Variants in PTX4 observed in about 807,000 individuals in gnomAD.
PTX4 encodes the protein pentraxin 4, also known as pentraxin-4.
A neutral mutation model predicts 19.1 loss-of-function variants in PTX4; 23 were observed. The ratio of observed to expected loss-of-function variants is 1.20; its 90% CI spans 0.87 to 1.70. The LOEUF (loss-of-function observed/expected upper bound fraction) is 1.70. PTX4 is among the 40% of genes most tolerant of loss of function. PTX4 has a pLI of 0.00. For synonymous variants in PTX4, 317 were observed against 279.6 expected, an observed-to-expected ratio of 1.13 and a Z score of -1.33; for missense variants, 678 against 610.5, an observed-to-expected ratio of 1.11 and a Z score of -1.17.
chr16:1,487,356 G>T lies in PTX4; in HGVS notation c.756C>A (p.Asp252Glu), dbSNP rs752561759. Reference protein sequence around the residue: ...HRVLSGTAPKDPRQQAWSPQV... With the variant: ...HRVLSGTAPKEPRQQAWSPQV... ...GGGGGGACCATGCCTGCTGCCGAGG[G>T]TCTTTTGGGGCAGTCCCACTGAGTA... The change falls in exon 2 of 3, where the codon GAC becomes GAA. Residue 252 changes from aspartate (D) to glutamate (E), a missense_variant. Coordinates refer to ENST00000447419, the MANE Select transcript of PTX4 (RefSeq NM_001328608.2). 1 of 1,556,988 alleles carries T rather than the reference G, an allele frequency of 6.4e-7. No homozygotes were observed. Among genetic ancestry groups the T allele is most frequent in the Admixed American group, 2.0e-5 (1 of 49,190 alleles).
chr16:1,486,078 G>C lies in PTX4; in HGVS notation c.1298C>G (p.Ala433Gly). The C allele has an allele frequency of 1.9e-5, 31 of 1,614,174 alleles. No homozygotes were observed. The highest frequency in any genetic ancestry group is 2.5e-5 in the Non-Finnish European group (30 of 1,180,020). Residue 433 changes from alanine to glycine, a missense_variant, in exon 3 of 3, where the codon GCG (alanine) becomes GGG (glycine). Transcript: ENST00000447419. ...SMSGLAIWDR[A>G]LVPGEVANLA... ...GTTTGCAACTTCCCCGGGAACCAGC[G>C]CCCGATCCCAGATAGCCAAGCCAGA...
chr16:1,487,455 G>T lies in PTX4; in HGVS notation c.657C>A (p.His219Gln), dbSNP rs1030250733. 2.6e-6 allele frequency: 4 copies of T among 1,509,642 alleles called. No homozygotes were observed. In the African/African-American group the frequency reaches 5.7e-5, roughly 21 times the overall value. The allele number at this position is 1,509,642 out of a possible 1,614,324, so 93.5% of individuals were successfully genotyped here. Residue 219 changes from histidine to glutamine, a missense_variant, in exon 2 of 3, where the codon CAC (histidine) becomes CAA (glutamine). Coordinates refer to ENST00000447419, the MANE Select transcript of PTX4 (RefSeq NM_001328608.2). ...DRQELRAASE[H>Q]RGPPQDSSAP... ...CCGAGGAGTCCTGTGGGGGGCCCCT[G>T]TGCTCAGAGGCAGCTCGGAGCTCCT... is the stretch of plus-strand genomic sequence containing the variant.
chr16:1,487,783 T>C lies in PTX4; in HGVS notation c.329A>G (p.Lys110Arg). 1 of 1,612,866 alleles carries C rather than the reference T, an allele frequency of 6.2e-7. No homozygotes were observed. Among genetic ancestry groups the C allele is most frequent in the Non-Finnish European group, 8.5e-7 (1 of 1,179,758 alleles). ...TACTTTCCGGCCTCGGCGCTGCAGCTTCCTCACCCAGGCCTTGAGCTGCGC... is the reference window on the plus strand; with the variant it reads ...TACTTTCCGGCCTCGGCGCTGCAGCCTCCTCACCCAGGCCTTGAGCTGCGC... ...ELAQLKAWVRKLQRRGRKVDT... is the reference protein window; with the variant it reads ...ELAQLKAWVRRLQRRGRKVDT... Residue 110 changes from lysine (K) to arginine (R), a missense_variant, in exon 2 of 3, where the codon AAG (lysine) becomes AGG (arginine). Physicochemically the swap from Lys to Arg is conservative, Grantham distance 26 (BLOSUM62 2). Coordinates refer to ENST00000447419, the MANE Select transcript of PTX4 (RefSeq NM_001328608.2).
At position 1,486,149 on chromosome 16, in the gene PTX4, G is replaced by A. The variant is rs201592968; in HGVS notation, c.1227C>T (p.Ser409=). ...GSLVLGQEQD[S]VGGGFDSSEA... is the part of the protein sequence containing the mutation. The stretch of plus-strand genomic sequence containing the variant: ...CGGAGCTGTCGAATCCGCCCCCCAC[G>A]CTGTCTTGTTCCTGGCCCAGCACGA... The change falls in exon 3 of 3, where the codon AGC becomes AGT. Residue 409 remains serine, a synonymous_variant. Transcript: ENST00000447419. The A allele has an allele frequency of 9.0e-5, 145 of 1,614,120 alleles. 3 individuals are homozygous for A. In the East Asian group the frequency reaches 1.8e-3, roughly 20 times the overall value.
chr16:1,486,954 C>T (rs1010194663), intron 2 of PTX4, among the ~76,000 whole-genome samples: 1 of 152,200 alleles, frequency 6.6e-6, no homozygotes, highest in Non-Finnish European at 1.5e-5. Flanking sequence ...AAGGCCAACA[C>T]GGTCTCCCAG....
At chr16:1,488,432 A>G (rs2745102) in intron 1 of PTX4, 408,592 of 1,612,420 alleles carry the variant, frequency 0.25, 54,975 homozygotes, top group East Asian at 0.53. Context: ...GACTGCCACA[A>G]GGTGGACCTG....
rs2039246829 is a variant in PTX4 at position 1,486,438 on chromosome 16, A to T, written c.938T>A (p.Leu313His). Reference protein sequence around the residue: ...VRTASGRLGTLLSYATEDNDN... With the variant: ...VRTASGRLGTHLSYATEDNDN... ...ATTGTCCTCGGTGGCGTAGGACAGG[A>T]GGGTGCCCAGGCGGCCGGAGGCCGT... is the stretch of plus-strand genomic sequence containing the variant. Residue 313 changes from leucine to histidine, a missense_variant, in exon 3 of 3, where the codon CTC (leucine) becomes CAC (histidine). Transcript: ENST00000447419. 1 of 1,613,788 alleles carries T rather than the reference A, an allele frequency of 6.2e-7. No homozygotes were observed. Among genetic ancestry groups the T allele is most frequent in the South Asian group, 1.1e-5 (1 of 91,064 alleles).
At position 1,487,637 on chromosome 16, in the gene PTX4, C is replaced by T; in HGVS notation, c.475G>A (p.Gly159Ser). 1 of 1,580,930 alleles carries T rather than the reference C, an allele frequency of 6.3e-7. No individual in the cohort carries two copies. The highest frequency in any genetic ancestry group is 8.6e-7 in the Non-Finnish European group (1 of 1,160,076). Residue 159 changes from glycine to serine, a missense_variant, in exon 2 of 3, where the codon GGC becomes AGC. Physicochemically the swap from Gly to Ser is moderately conservative, Grantham distance 56 (BLOSUM62 0). Coordinates refer to ENST00000447419, the MANE Select transcript of PTX4 (RefSeq NM_001328608.2). ...ALQDSLARLE[G>S]LVHSQGARLA... ...CTGGCGCCCTGGCTGTGGACGAGGC[C>T]CTCCAGGCGTGCCAGTGAGTCCTGC...
intron 2 of PTX4, among the ~76,000 whole-genome samples, chr16:1,487,001 G>A (rs981256475): frequency 6.6e-6 from 1 of 152,194 alleles, no homozygotes; most frequent in Non-Finnish European, 1.5e-5. Context: ...GGTTCCTCTG[G>A]AGGCTCCAGG....
At position 1,486,655 on chromosome 16, in the gene PTX4, T is replaced by C. The variant is rs537915164; in HGVS notation, c.797-76A>G. 6.2e-5 allele frequency: 90 copies of C among 1,440,212 alleles called. No individual in the cohort carries two copies. The African/African-American group carries it at 1.2e-3, about 19-fold the overall frequency. The allele number at this position is 1,440,212 out of a possible 1,614,324, so 89.2% of individuals were successfully genotyped here. On this transcript the variant is annotated intron_variant, in intron 2 of 2. Transcript: ENST00000447419. ...CATCCAGAAGCACACGTGCTGTGGG[T>C]GCCTGGCCTCCCACTCCCGGCTGCC... is the stretch of plus-strand genomic sequence containing the variant.
In PTX4 at chr16:1,486,238, G is replaced by A. The variant is rs369527419; in HGVS notation, c.1138C>T (p.Arg380Cys). The A allele has an allele frequency of 5.1e-5, 82 of 1,612,224 alleles. 1 individual carries two copies. Among genetic ancestry groups the A allele is most frequent in the African/African-American group, 1.6e-4 (12 of 74,918 alleles). ...TQGRYWLHVD[R>C]RLVATGSRFR... ...CGGGAGCCGGTGGCCACCAGCCTGCGATCCACGTGGAGCCAGTACCTGCCC... is the reference window on the plus strand; with the variant it reads ...CGGGAGCCGGTGGCCACCAGCCTGCAATCCACGTGGAGCCAGTACCTGCCC... The change falls in exon 3 of 3, where the codon CGC becomes TGC. Residue 380 changes from arginine to cysteine, a missense_variant. Transcript: ENST00000447419.
rs201970670 is a variant in PTX4, at chr16:1,487,509, C to T, written c.603G>A (p.Pro201=). 0.011 allele frequency: 17,342 copies of T among 1,511,650 alleles called. 137 individuals carry two copies. The highest frequency in any genetic ancestry group is 0.014 in the Non-Finnish European group (15,802 of 1,131,398). The allele number at this position is 1,511,650 out of a possible 1,614,324, so 93.6% of individuals were successfully genotyped here. A position where few individuals can be genotyped will look rare whatever the true frequency, so the allele number is the denominator to read the frequency against. Residue 201 remains proline (P), a synonymous_variant, in exon 2 of 3, where the codon CCG becomes CCA. Coordinates refer to ENST00000447419, the MANE Select transcript of PTX4 (RefSeq NM_001328608.2). The part of the protein sequence containing the change: ...PTPTQPEELG[P]TSLKLQRDRQ... ...TGTCCCTCTGAAGCTTCAGGGAGGT[C>T]GGGCCCAGCTCCTCAGGCTGGGTTG... is the stretch of plus-strand genomic sequence containing the variant.
Position 1,487,875 on chromosome 16 carries a change from C to A in PTX4, c.237G>T (p.Leu79=). ...GAGCCACAGCCTGGCTCTCTTCCGCCAGGCTCCGGAACCGGACGTCAACGT... is the reference window on the plus strand; with the variant it reads ...GAGCCACAGCCTGGCTCTCTTCCGCAAGGCTCCGGAACCGGACGTCAACGT... ...SYNVDVRFRS[L]AEESQAVAQA... Residue 79 remains leucine, a synonymous_variant, in exon 2 of 3, where the codon CTG becomes CTT. Coordinates refer to ENST00000447419, the MANE Select transcript of PTX4 (RefSeq NM_001328608.2). 6.2e-7 allele frequency: 1 copy of A among 1,613,064 alleles called. No individual in the cohort carries two copies. The highest frequency in any genetic ancestry group is 8.5e-7 in the Non-Finnish European group (1 of 1,179,920).
In PTX4 at chr16:1,488,869, A is replaced by T. The variant is rs764663315; in HGVS notation, c.41T>A (p.Val14Asp). 106 of 701,944 alleles carry T rather than the reference A, an allele frequency of 1.5e-4. No individual in the cohort carries two copies. Among genetic ancestry groups the T allele is most frequent in the African/African-American group, 1.2e-3 (70 of 57,374 alleles). The allele number at this position is 701,944 out of a possible 1,614,324, so 43.5% of individuals were successfully genotyped here. A position where few individuals can be genotyped will look rare whatever the true frequency, so the allele number is the denominator to read the frequency against. ...SWRKTLSFFL[V>D]FVPIYLHGAS... ...CCCATGTAGATATATAGGCACAAAAACAAGGAAGAAAGACAAGGTCTTCCT... is the reference window on the plus strand; with the variant it reads ...CCCATGTAGATATATAGGCACAAAATCAAGGAAGAAAGACAAGGTCTTCCT... Residue 14 changes from valine (V) to aspartate (D), a missense_variant, in exon 1 of 3, where the codon GTT (valine) becomes GAT (aspartate). Transcript: ENST00000447419.
intron 2 of PTX4, 112 bp from the exon 3 acceptor site, chr16:1,486,691 G>C: frequency 8.8e-7 from 1 of 1,141,472 alleles, no homozygotes; most frequent in Admixed American, 2.9e-5. Context: ...ACCCTTCACG[G>C]AGCACTGACT....
chr16:1,487,181 C>G (rs746246416), intron 2 of PTX4, 135 bp downstream of exon 2: 47 of 832,928 alleles, frequency 5.6e-5, no homozygotes, highest in Admixed American at 4.0e-4. Flanking sequence ...GGCCACCCCC[C>G]CCGATGATCC....
At position 1,486,310 on chromosome 16, in the gene PTX4, G is replaced by T; in HGVS notation, c.1066C>A (p.Leu356Met). 4 of 1,613,706 alleles carry T rather than the reference G, an allele frequency of 2.5e-6. No individual in the cohort carries two copies. The highest frequency in any genetic ancestry group is 1.3e-5 in the African/African-American group (1 of 75,070). Residue 356 changes from leucine (L) to methionine (M), a missense_variant, in exon 3 of 3, where the codon CTG becomes ATG. By Grantham distance (15) the Leu-to-Met change is conservative. Transcript: ENST00000447419. ...CAGATGTGGTGCCACTGGCCGTCCAGCAGCAGCTGCAAGGGCAGCTCCCTG... is the reference window on the plus strand; with the variant it reads ...CAGATGTGGTGCCACTGGCCGTCCATCAGCAGCTGCAAGGGCAGCTCCCTG... ...AFRELPLQLL[L>M]DGQWHHICVI...
Position 1,488,312 on chromosome 16 carries a change from A to T in PTX4, c.142-342T>A, listed in dbSNP as rs190532280. ...CAGGGGACGGCAGGGTGGCCTCATG[A>T]GTGCTTTACGAGGCCCAAACAGGAA... On this transcript the variant is annotated intron_variant, in intron 1 of 2. Coordinates refer to ENST00000447419, the MANE Select transcript of PTX4 (RefSeq NM_001328608.2). 3.4e-5 allele frequency: 54 copies of T among 1,606,312 alleles called. No homozygotes were observed. In the Admixed American group the frequency reaches 7.8e-4, roughly 23 times the overall value.
In PTX4 at chr16:1,487,617, GC is replaced by G; in HGVS notation, c.494del (p.Gly165AlafsTer40). The G allele has an allele frequency of 6.4e-7, 1 of 1,572,858 alleles. No individual in the cohort carries two copies. Among genetic ancestry groups the G allele is most frequent in the Non-Finnish European group, 8.6e-7 (1 of 1,156,982 alleles). On this transcript the variant is annotated frameshift_variant, in exon 2 of 3. Transcript: ENST00000447419. LOFTEE classifies it high-confidence loss of function. ...ARLEGLVHSQGARLAALEGRL... is the reference protein window; with the variant it reads ...ARLEGLVHSQXARLAALEGRL... ...GCCCCTCCAGAGCAGCCAGCCTGGC[GC>G]CCTGGCTGTGGACGAGGCCCTCCAG...
Sources: allele counts gnomAD v4.1 joint callset (sites outside exome capture counted in the v4.1 genomes callset), GRCh38; gene constraint gnomAD v4.1.1; transcripts MANE v1.5; gene names NCBI Gene and HGNC (gene_info 2026-07-23, HGNC 2026-07-21).